ZBED6: variants seen among roughly 807,000 people sequenced by gnomAD.
ZBED6 encodes the protein zinc finger BED domain-containing protein 6.
In ZBED6, 40 loss-of-function variants were observed where a neutral mutation model predicts 58.4. The observed-to-expected ratio is 0.68, with a 90% confidence interval of 0.53 to 0.89. The LOEUF (loss-of-function observed/expected upper bound fraction) is 0.89, where lower values mean the gene tolerates loss of function less well. ZBED6 is among the 40% of genes least tolerant of loss of function. ZBED6 has a pLI of 0.00. For missense variants in ZBED6, 1,057 were observed against 1,003.9 expected (o/e 1.05, Z -0.71); for synonymous variants, 439 against 350.6 (o/e 1.25, Z -2.82).
At chr1:203,801,826 T>A (rs1670623382) in exon 1 of ZBED6, 1 of 152,370 alleles carries the variant, frequency 6.6e-6, no homozygotes, top group African/African-American at 2.4e-5. Flanking sequence ...GATTTTTTTT[T>A]TTTTTAAATT....
At chr1:203,847,818 T>C (rs1038559595) in intron 12 of ZBED6, 131 bp downstream of exon 12, 1 of 1,381,700 alleles carries the variant, frequency 7.2e-7, no homozygotes, top group Admixed American at 2.6e-5. Flanking sequence ...CTGAATTAAA[T>C]GAAGTTTTTC....
At chr1:203,850,187 C>A in intron 14 of ZBED6, 161 bp downstream of exon 14, 1 of 700,294 alleles carries the variant, frequency 1.4e-6, no homozygotes, top group Non-Finnish European at 2.4e-6. Flanking sequence ...AGAGGCAAAA[C>A]GAGATGAATT....
At chr1:203,848,463 G>T in intron 13 of ZBED6, 56 bp downstream of exon 13, 2 of 1,374,786 alleles carry the variant, frequency 1.5e-6, no homozygotes, top group East Asian at 2.4e-5. Flanking sequence ...CTAGATAATT[G>T]GTAGTTTTAC....
rs141032518 is a variant in ZBED6, at chr1:203,820,963, C to G, written c.*2873+2274C>G. On this transcript the variant is annotated intron_variant, in intron 3 of 16. Coordinates refer to ENST00000550078, the Ensembl canonical transcript of ZBED6. ...TTAGACCCTTTACCCCGTTTCTCAT[C>G]AGACTTCAACTTTTTCCCCGTTATT... 1.6e-3 allele frequency among the ~76,000 whole-genome samples: 247 copies of G among 152,190 alleles called. 1 individual carries two copies. The highest frequency in any genetic ancestry group is 0.015 in the Admixed American group (223 of 15,274).
intron 3 of ZBED6, among the ~76,000 whole-genome samples, chr1:203,827,310 A>G (rs1680838099): frequency 6.6e-6 from 1 of 151,652 alleles, no homozygotes; most frequent in Non-Finnish European, 1.5e-5. Flanking sequence ...CATACATCCT[A>G]TGATTCAGCA....
At chr1:203,832,386 A>G (rs1682675855) in intron 8 of ZBED6, among the ~76,000 whole-genome samples, 2 of 149,176 alleles carry the variant, frequency 1.3e-5, no homozygotes, top group African/African-American at 5.0e-5. Context: ...TTTTAGATGG[A>G]GTCTTGCTCT....
chr1:203,830,670 G>A (rs552267632), intron 7 of ZBED6, among the ~76,000 whole-genome samples: 49 of 152,136 alleles, frequency 3.2e-4, no homozygotes, highest in African/African-American at 1.1e-3. Context: ...TTAGCCAGGC[G>A]GGGTGGCATG....
intron 3 of ZBED6, among the ~76,000 whole-genome samples, chr1:203,821,216 A>G (rs1412935060): frequency 6.6e-6 from 1 of 152,074 alleles, no homozygotes; most frequent in Non-Finnish European, 1.5e-5. Flanking sequence ...GCTGCCATGT[A>G]AGACTTGTTT....
intron 4 of ZBED6, among the ~76,000 whole-genome samples, chr1:203,828,943 G>A (rs16852378): frequency 0.13 from 19,919 of 152,034 alleles, 1,483 homozygotes; most frequent in Non-Finnish European, 0.15. Context: ...AAAAGCTAGT[G>A]GTTATTCCCA....
At chr1:203,849,733 T>C in exon 14 of ZBED6, 1 of 1,613,598 alleles carries the variant, frequency 6.2e-7, no homozygotes, top group Middle Eastern at 1.7e-4. Flanking sequence ...ACCACAGGAG[T>C]TGACATCACT....
intron 14 of ZBED6, 59 bp from the exon 15 acceptor site, chr1:203,850,456 A>G (rs1476905593): frequency 6.3e-7 from 1 of 1,587,566 alleles, no homozygotes; most frequent in African/African-American, 1.3e-5. Context: ...ATTCTGAATT[A>G]TTCCCCATTT....
At chr1:203,802,830 G>A (rs1430641148) in exon 1 of ZBED6, 1 of 152,342 alleles carries the variant, frequency 6.6e-6, no homozygotes, top group Non-Finnish European at 1.5e-5. Context: ...CAGTAGTTGG[G>A]AGATGTTTTA....
At chr1:203,811,849 A>T (rs1263215842) in intron 1 of ZBED6, among the ~76,000 whole-genome samples, 1 of 145,306 alleles carries the variant, frequency 6.9e-6, no homozygotes, top group Non-Finnish European at 1.5e-5. Flanking sequence ...GACAGGTCTC[A>T]CTGTCACCCA....
intron 15 of ZBED6, 63 bp downstream of exon 15, chr1:203,850,744 C>G: frequency 6.4e-7 from 1 of 1,562,116 alleles, no homozygotes; most frequent in African/African-American, 1.4e-5. Context: ...GAAAGACTAA[C>G]TCTCCACTAG....
At chr1:203,841,884 G>A (rs1407734910) in intron 11 of ZBED6, among the ~76,000 whole-genome samples, 1 of 148,778 alleles carries the variant, frequency 6.7e-6, no homozygotes, top group Non-Finnish European at 1.5e-5. Flanking sequence ...CTTCTCAGAC[G>A]GGGCGGCCGG....
exon 1 of ZBED6, chr1:203,801,184 G>T (rs1428749989): frequency 6.6e-6 from 1 of 152,150 alleles, no homozygotes; most frequent in African/African-American, 2.4e-5. Flanking sequence ...TAAAATGTTT[G>T]CAAGAATTGG....
At chr1:203,829,636 G>T in exon 5 of ZBED6, 1 of 1,614,200 alleles carries the variant, frequency 6.2e-7, no homozygotes, top group South Asian at 1.1e-5. Flanking sequence ...TGCTGCAGAT[G>T]ATGATGAAGA....
At chr1:203,815,457 G>A (rs542186966) in intron 1 of ZBED6, among the ~76,000 whole-genome samples, 3 of 148,540 alleles carry the variant, frequency 2.0e-5, no homozygotes, top group East Asian at 4.0e-4. Flanking sequence ...GGACTCAAGC[G>A]ATCTGCCCAC....
At chr1:203,847,621 A>G (rs1688228761) in exon 12 of ZBED6, 3 of 1,613,454 alleles carry the variant, frequency 1.9e-6, no homozygotes, top group Non-Finnish European at 2.5e-6. Flanking sequence ...GAGCAGCACC[A>G]GCTCCCCGTC....
Sources: allele counts gnomAD v4.1 joint callset (sites outside exome capture counted in the v4.1 genomes callset), GRCh38; gene constraint gnomAD v4.1.1; transcripts MANE v1.5; gene names NCBI Gene and HGNC (gene_info 2026-07-23, HGNC 2026-07-21).